Variants in STK39 observed in about 807,000 individuals in gnomAD.
STK39 encodes serine/threonine kinase 39.
STK39 carries 20 observed loss-of-function variants against 77.8 expected under a neutral mutation model. The ratio of observed to expected loss-of-function variants is 0.26; its 90% CI spans 0.18 to 0.37. The LOEUF (loss-of-function observed/expected upper bound fraction) is 0.37, where lower values mean the gene tolerates loss of function less well. STK39 is among the 10% of genes least tolerant of loss of function. The pLI is 1.00. For synonymous variants in STK39, 246 were observed against 234.1 expected, an observed-to-expected ratio of 1.05 and a Z score of -0.47; for missense variants, 479 against 656.5, an observed-to-expected ratio of 0.73 and a Z score of 2.95.
chr2:168,122,430 T>C (rs969034585), intron 10 of STK39, among the ~76,000 whole-genome samples: 4 of 152,154 alleles, frequency 2.6e-5, no homozygotes, highest in South Asian at 2.1e-4. Context: ...TTATCCAGTG[T>C]ACTGTCATTT....
At chr2:168,179,923 A>G (rs1232652541) in intron 2 of STK39, among the ~76,000 whole-genome samples, 1 of 152,260 alleles carries the variant, frequency 6.6e-6, no homozygotes, top group Non-Finnish European at 1.5e-5. Context: ...CAGAGACCAT[A>G]GCATCAAACC....
rs1315547100 is a variant in STK39, at chr2:168,102,160, T to G, written c.1090-26929A>C. On this transcript the variant is annotated intron_variant, in intron 10 of 17. Coordinates refer to ENST00000355999, the MANE Select transcript of STK39 (RefSeq NM_013233.3). Reference sequence around the variant, plus strand: ...TTTTTTTTTAATGGACATAACCTTCTCATTTCTCTTCCATTTGTACCTAGA... The same window carrying G: ...TTTTTTTTTAATGGACATAACCTTCGCATTTCTCTTCCATTTGTACCTAGA... Among the ~76,000 whole-genome samples, 9 of 151,748 alleles carry G rather than the reference T, an allele frequency of 5.9e-5. No individual in the cohort carries two copies. The South Asian group carries it at 1.9e-3, about 32-fold the overall frequency.
At chr2:168,192,089 T>A (rs1689353815) in intron 1 of STK39, among the ~76,000 whole-genome samples, 1 of 152,114 alleles carries the variant, frequency 6.6e-6, no homozygotes, top group African/African-American at 2.4e-5. Context: ...GGAAACCAAT[T>A]ACTGCTGGCA....
intron 2 of STK39, among the ~76,000 whole-genome samples, chr2:168,171,464 G>GAAA (rs780890035): frequency 1.0e-5 from 1 of 96,306 alleles, no homozygotes; most frequent in African/African-American, 5.1e-5. Context: ...TAACAGAACT[G>GAAA]AAAATAAAAA....
At chr2:168,032,628 G>A (rs1337605993) in intron 14 of STK39, among the ~76,000 whole-genome samples, 1 of 152,206 alleles carries the variant, frequency 6.6e-6, no homozygotes, top group Non-Finnish European at 1.5e-5. Context: ...TCACTCTTCA[G>A]AAGTGTATAT....
chr2:168,030,083 T>C (rs1684796337), intron 14 of STK39, among the ~76,000 whole-genome samples: 1 of 149,732 alleles, frequency 6.7e-6, no homozygotes, highest in African/African-American at 2.5e-5. Flanking sequence ...TACTAAAAAA[T>C]ACAAAAAATT....
intron 1 of STK39, 51 bp downstream of exon 1, chr2:168,247,177 C>A: frequency 8.8e-7 from 1 of 1,135,420 alleles, no homozygotes; most frequent in Non-Finnish European, 1.1e-6. Flanking sequence ...CCCCTCCCGC[C>A]CGGCCTCGGC....
At chr2:168,197,133 G>A (rs553395701) in intron 1 of STK39, among the ~76,000 whole-genome samples, 6 of 152,282 alleles carry the variant, frequency 3.9e-5, no homozygotes, top group African/African-American at 7.2e-5. Flanking sequence ...GTAGATGTGC[G>A]GGCATGAATC....
chr2:168,212,549 C>A (rs1559148791), intron 1 of STK39, among the ~76,000 whole-genome samples: 2 of 152,192 alleles, frequency 1.3e-5, no homozygotes. Context: ...CTGGTATAAC[C>A]TGATAACTGT....
chr2:167,985,657 T>A (rs546211625), intron 16 of STK39, among the ~76,000 whole-genome samples: 1 of 152,288 alleles, frequency 6.6e-6, no homozygotes, highest in Non-Finnish European at 1.5e-5. Context: ...CATGACATTA[T>A]TTTAGGGGAA....
chr2:168,208,379 C>G (rs1183472603), intron 1 of STK39, among the ~76,000 whole-genome samples: 1 of 152,120 alleles, frequency 6.6e-6, no homozygotes, highest in Non-Finnish European at 1.5e-5. Flanking sequence ...ACAACAGAAC[C>G]AACAGAAACT....
At chr2:168,172,214 G>A (rs569666357) in intron 2 of STK39, among the ~76,000 whole-genome samples, 16 of 152,292 alleles carry the variant, frequency 1.1e-4, no homozygotes, top group South Asian at 2.1e-4. Flanking sequence ...TCTTCGTTGC[G>A]TGTGAGCATC....
chr2:167,960,734 G>A (rs1282244096), intron 17 of STK39, among the ~76,000 whole-genome samples: 7 of 151,988 alleles, frequency 4.6e-5, no homozygotes, highest in East Asian at 3.9e-4. Flanking sequence ...CCCCAAATGC[G>A]GGTGCATTTT....
At chr2:167,972,354 T>C (rs1305680787) in intron 16 of STK39, among the ~76,000 whole-genome samples, 1 of 152,192 alleles carries the variant, frequency 6.6e-6, no homozygotes, top group African/African-American at 2.4e-5. Flanking sequence ...TGTTCTGCCA[T>C]AAAGAGGGGT....
intron 14 of STK39, among the ~76,000 whole-genome samples, chr2:168,028,891 C>T (rs1254643218): frequency 6.6e-6 from 1 of 152,152 alleles, no homozygotes; most frequent in Non-Finnish European, 1.5e-5. Flanking sequence ...GGGACCCAGA[C>T]ATCATGTCTT....
chr2:168,101,379 A>C (rs1239143245), intron 10 of STK39, among the ~76,000 whole-genome samples: 4 of 152,204 alleles, frequency 2.6e-5, no homozygotes, highest in Admixed American at 2.0e-4. Flanking sequence ...AAAAGCCTAC[A>C]TTTGAGAGCT....
chr2:168,236,975 C>T (rs906858411), intron 1 of STK39, among the ~76,000 whole-genome samples: 7 of 152,006 alleles, frequency 4.6e-5, no homozygotes, highest in African/African-American at 1.7e-4. Context: ...TTTTCCAATT[C>T]TGTGAAGAAA....
chr2:167,956,990 T>C (rs920606514), intron 17 of STK39, among the ~76,000 whole-genome samples: 2 of 151,840 alleles, frequency 1.3e-5, no homozygotes, highest in Admixed American at 6.5e-5. Context: ...ACTGCTTGTA[T>C]ACATTTAGAA....
intron 1 of STK39, among the ~76,000 whole-genome samples, chr2:168,240,469 C>T (rs1690730451): frequency 6.6e-6 from 1 of 152,132 alleles, no homozygotes; most frequent in Admixed American, 6.5e-5. Flanking sequence ...TGAACTAAAC[C>T]AGTGGTGGCT....
Sources: allele counts gnomAD v4.1 joint callset (sites outside exome capture counted in the v4.1 genomes callset), GRCh38; gene constraint gnomAD v4.1.1; transcripts MANE v1.5; gene names NCBI Gene and HGNC (gene_info 2026-07-23, HGNC 2026-07-21).